APOO: variants seen among roughly 807,000 people sequenced by gnomAD.
APOO encodes the protein apolipoprotein O, also known as MICOS complex subunit MIC26.
APOO carries 11 observed loss-of-function variants against 23.1 expected under a neutral mutation model. The observed-to-expected ratio is 0.48, with a 90% CI of 0.30 to 0.79. The LOEUF (loss-of-function observed/expected upper bound fraction) is 0.79, where lower values mean the gene tolerates loss of function less well. Among genes scored for constraint, APOO ranks in the 30% least tolerant of loss-of-function variants. APOO has a pLI of 0.07. For missense variants in APOO, 160 were observed against 142.7 expected (o/e 1.12, Z -0.62); for synonymous variants, 59 against 54.8 (o/e 1.08, Z -0.34).
At chrX:23,881,354 T>A (rs1255607575) in intron 1 of APOO, among the ~76,000 whole-genome samples, 3 of 108,335 alleles carry the variant, frequency 2.8e-5, no homozygotes, top group East Asian at 5.8e-4. Context: ...AGATTACAGG[T>A]GTGAGCCAGT....
chrX:23,893,408 G>C (rs993629178), intron 1 of APOO, among the ~76,000 whole-genome samples: 1 of 109,848 alleles, frequency 9.1e-6, no homozygotes, highest in Non-Finnish European at 1.9e-5. Flanking sequence ...CTGGGCGACA[G>C]GGCAAGGCTC....
intron 5 of APOO, among the ~76,000 whole-genome samples, chrX:23,863,104 C>T (rs1255403447): frequency 3.6e-5 from 4 of 111,932 alleles, no homozygotes; most frequent in South Asian, 7.4e-4. Context: ...GAGGCTGAGG[C>T]GGGTGGATCA....
chrX:23,839,035 C>T (rs766164696), intron 8 of APOO, among the ~76,000 whole-genome samples: 1 of 111,918 alleles, frequency 8.9e-6, no homozygotes, highest in East Asian at 2.8e-4. Context: ...ACATGTGTCA[C>T]TCTGTGGCTG....
chrX:23,841,552 C>T (rs1490690061), intron 7 of APOO, among the ~76,000 whole-genome samples: 1 of 107,234 alleles, frequency 9.3e-6, no homozygotes, highest in Non-Finnish European at 1.9e-5. Context: ...TCACCACATC[C>T]ACTTGATGAT....
intron 8 of APOO, among the ~76,000 whole-genome samples, chrX:23,838,557 C>T (rs1434691081): frequency 2.8e-5 from 3 of 105,778 alleles, no homozygotes; most frequent in Non-Finnish European, 5.8e-5. Flanking sequence ...GCTGGGATTA[C>T]AGGCAACTAC....
intron 1 of APOO, among the ~76,000 whole-genome samples, chrX:23,896,193 G>A (rs1271116792): frequency 2.7e-5 from 3 of 110,131 alleles, no homozygotes; most frequent in East Asian, 2.8e-4. Flanking sequence ...GCTTGAACCC[G>A]GGAGATGGAG....
intron 1 of APOO, among the ~76,000 whole-genome samples, chrX:23,903,481 A>G (rs1461602059): frequency 8.9e-6 from 1 of 111,792 alleles, no homozygotes; most frequent in African/African-American, 3.2e-5. Context: ...CTGGTTCTCA[A>G]CTACTAGACC....
At chrX:23,884,692 G>C (rs986172957) in intron 1 of APOO, among the ~76,000 whole-genome samples, 2 of 111,647 alleles carry the variant, frequency 1.8e-5, no homozygotes. Flanking sequence ...TCAGTTAGGA[G>C]GAGTAGTTCA....
chrX:23,865,218 C>T (rs190388195), intron 5 of APOO, among the ~76,000 whole-genome samples: 17 of 111,227 alleles, frequency 1.5e-4, no homozygotes, highest in African/African-American at 3.3e-4. Context: ...TCTGAATGGA[C>T]ATCCATTCAC....
chrX:23,876,012 C>T (rs1925830194), intron 3 of APOO, among the ~76,000 whole-genome samples: 1 of 109,778 alleles, frequency 9.1e-6, no homozygotes, highest in Admixed American at 9.8e-5. Flanking sequence ...GGCTGTAATC[C>T]CAGCACTTTG....
intron 2 of APOO, among the ~76,000 whole-genome samples, chrX:23,880,465 C>T (rs978274663): frequency 1.4e-4 from 16 of 111,239 alleles, no homozygotes; most frequent in East Asian, 1.4e-3. Context: ...TTTGGGAGGC[C>T]GAGGCAGGTG....
intron 1 of APOO, among the ~76,000 whole-genome samples, chrX:23,898,604 T>C (rs1237226885): frequency 8.9e-6 from 1 of 112,001 alleles, no homozygotes; most frequent in Non-Finnish European, 1.9e-5. Context: ...AATGAAAATC[T>C]GTGCAAAAAT....
intron 1 of APOO, among the ~76,000 whole-genome samples, chrX:23,892,549 C>A (rs1023373601): frequency 6.4e-5 from 7 of 110,145 alleles, no homozygotes; most frequent in Non-Finnish European, 1.1e-4. Context: ...GTGGGCAGTT[C>A]ACGAGGTCAG....
At chrX:23,856,125 T>C (rs914128940) in intron 7 of APOO, among the ~76,000 whole-genome samples, 177 bp downstream of exon 7, 7 of 111,874 alleles carry the variant, frequency 6.3e-5, no homozygotes, top group African/African-American at 1.9e-4. Flanking sequence ...AATAACCAAA[T>C]ACTCAGAAGT....
intron 1 of APOO, among the ~76,000 whole-genome samples, chrX:23,902,625 GT>G (rs1361100620): frequency 8.9e-6 from 1 of 111,938 alleles, no homozygotes; most frequent in Admixed American, 9.5e-5. Flanking sequence ...TTTCAAATGT[GT>G]TTTTTAATCC....
At chrX:23,848,918 A>G (rs1924388820) in intron 7 of APOO, among the ~76,000 whole-genome samples, 1 of 94,148 alleles carries the variant, frequency 1.1e-5, no homozygotes, top group African/African-American at 4.1e-5. Flanking sequence ...GTGCAGTGGT[A>G]GGATCTCAGC....
chrX:23,840,456 G>T, intron 7 of APOO, 79 bp from the exon 8 acceptor site: 1 of 876,700 alleles, frequency 1.1e-6, no homozygotes, highest in South Asian at 2.8e-5. Context: ...GTATTTGGCT[G>T]AACATGAACA....
At chrX:23,889,098 C>T (rs950257435) in intron 1 of APOO, among the ~76,000 whole-genome samples, 4 of 109,827 alleles carry the variant, frequency 3.6e-5, no homozygotes, top group Non-Finnish European at 5.7e-5. Context: ...GCTATAATCG[C>T]GTCACTGCAT....
intron 7 of APOO, among the ~76,000 whole-genome samples, chrX:23,850,311 C>T (rs966458741): frequency 8.9e-6 from 1 of 112,049 alleles, no homozygotes; most frequent in African/African-American, 3.2e-5. Flanking sequence ...AGTAAAGCCA[C>T]ATACACATAT....
Sources: gnomAD v4.1 joint callset for allele counts (sites outside exome capture counted in the v4.1 genomes callset) on GRCh38, gnomAD v4.1.1 for gene constraint, MANE v1.5 for transcripts, NCBI Gene and HGNC (gene_info 2026-07-23, HGNC 2026-07-21) for gene names.